CCDC85A: variants seen among roughly 807,000 people sequenced by gnomAD.
CCDC85A encodes the protein coiled-coil domain containing 85A.
CCDC85A carries 38 observed loss-of-function variants against 50.2 expected under a neutral mutation model. That is an observed-to-expected ratio of 0.76 (90% confidence interval 0.58 to 0.99). CCDC85A has a LOEUF of 0.99. CCDC85A is among the 50% of genes least tolerant of loss of function. The probability of loss-of-function intolerance (pLI) is 0.00; values close to 1 mark genes in which losing one functional copy is unlikely to be tolerated. For missense variants in CCDC85A, 820 were observed against 742.0 expected, an observed-to-expected ratio of 1.11 and a Z score of -1.22; for synonymous variants, 366 against 301.4, an observed-to-expected ratio of 1.21 and a Z score of -2.22.
chr2:56,362,847 C>T (rs1675600025), intron 3 of CCDC85A, among the ~76,000 whole-genome samples: 1 of 152,072 alleles, frequency 6.6e-6, no homozygotes, highest in East Asian at 1.9e-4. Context: ...TGGTCTCAAA[C>T]TCCTGACCTC....
chr2:56,281,223 A>T (rs1433619832), intron 2 of CCDC85A, among the ~76,000 whole-genome samples: 2 of 152,182 alleles, frequency 1.3e-5, no homozygotes, highest in Non-Finnish European at 2.9e-5. Context: ...TCTTTCACTG[A>T]ACATAATGGT....
chr2:56,183,880 C>T (rs1406790957), upstream of CCDC85A: 4 of 985,260 alleles, frequency 4.1e-6, no homozygotes, highest in Non-Finnish European at 4.8e-6. Flanking sequence ...CCTCGAGGGC[C>T]CGGGCAGCGG....
chr2:56,382,585 C>T (rs948909744), intron 5 of CCDC85A, among the ~76,000 whole-genome samples: 7 of 151,942 alleles, frequency 4.6e-5, no homozygotes, highest in Non-Finnish European at 1.0e-4. Flanking sequence ...AGTTGAAATA[C>T]CTGATTGGTC....
At chr2:56,355,286 T>C (rs1265832634) in intron 3 of CCDC85A, among the ~76,000 whole-genome samples, 1 of 152,206 alleles carries the variant, frequency 6.6e-6, no homozygotes, top group East Asian at 1.9e-4. Flanking sequence ...CAGGGTCTAC[T>C]GTTAAGGCCA....
chr2:56,207,242 G>A (rs1354932908), intron 2 of CCDC85A, among the ~76,000 whole-genome samples: 1 of 152,116 alleles, frequency 6.6e-6, no homozygotes, highest in Non-Finnish European at 1.5e-5. Context: ...GCTCCTTTGA[G>A]CCCTGGAAGG....
intron 2 of CCDC85A, among the ~76,000 whole-genome samples, chr2:56,285,112 TTC>T (rs1237177898): frequency 6.6e-6 from 1 of 151,854 alleles, no homozygotes; most frequent in Non-Finnish European, 1.5e-5. Flanking sequence ...TTTTTTTTTT[TTC>T]TCTTTTACAT....
At chr2:56,216,581 C>T (rs1220466726) in intron 2 of CCDC85A, among the ~76,000 whole-genome samples, 1 of 151,680 alleles carries the variant, frequency 6.6e-6, no homozygotes, top group Non-Finnish European at 1.5e-5. Flanking sequence ...TCCTTAACCT[C>T]CCATATTGAT....
intron 2 of CCDC85A, among the ~76,000 whole-genome samples, chr2:56,194,458 T>C (rs944389097): frequency 6.6e-6 from 1 of 152,232 alleles, no homozygotes; most frequent in African/African-American, 2.4e-5. Flanking sequence ...TTTGTTTTCA[T>C]TGAAAATATC....
At chr2:56,247,346 G>A (rs1669555180) in intron 2 of CCDC85A, among the ~76,000 whole-genome samples, 1 of 152,128 alleles carries the variant, frequency 6.6e-6, no homozygotes, top group African/African-American at 2.4e-5. Context: ...TTGCAGACAT[G>A]GGTCTTTTTT....
chr2:56,261,592 T>TGGTGTTGGA (rs1443659885), intron 2 of CCDC85A, among the ~76,000 whole-genome samples: 1 of 152,162 alleles, frequency 6.6e-6, no homozygotes, highest in Non-Finnish European at 1.5e-5. Context: ...ATGCAAAATA[T>TGGTGTTGGA]GGTGTTGGAT....
At chr2:56,333,686 T>A (rs566910646) in intron 2 of CCDC85A, among the ~76,000 whole-genome samples, 1 of 152,124 alleles carries the variant, frequency 6.6e-6, no homozygotes, top group South Asian at 2.1e-4. Context: ...TATTGTGAGG[T>A]TGGATTCTCA....
intron 3 of CCDC85A, among the ~76,000 whole-genome samples, chr2:56,352,616 G>T (rs1675012072): frequency 6.6e-6 from 1 of 152,172 alleles, no homozygotes; most frequent in African/African-American, 2.4e-5. Flanking sequence ...AAAGTGCTGG[G>T]ATTACAGGTG....
intron 2 of CCDC85A, among the ~76,000 whole-genome samples, chr2:56,221,158 A>T (rs183697746): frequency 1.3e-5 from 2 of 152,168 alleles, no homozygotes; most frequent in Non-Finnish European, 2.9e-5. Flanking sequence ...AACTGTCTTA[A>T]GTGGGTTTGG....
Position 56,277,017 on chromosome 2 carries a change from G to A in CCDC85A, c.1241-65862G>A, listed in dbSNP as rs371196129. Among the ~76,000 whole-genome samples, 62 of 152,296 alleles carry A rather than the reference G, an allele frequency of 4.1e-4. 2 individuals are homozygous for A. In the South Asian group the frequency reaches 0.013, roughly 31 times the overall value. ...ATAGTCTCCCAATCCTCCAAGAACA[G>A]GCCAGCTCTAAACTGCTTTGAGCTG... On this transcript the variant is annotated intron_variant, in intron 2 of 5. Transcript: ENST00000407595.
intron 2 of CCDC85A, among the ~76,000 whole-genome samples, chr2:56,309,707 G>A (rs765101789): frequency 2.6e-5 from 4 of 152,144 alleles, no homozygotes; most frequent in Non-Finnish European, 4.4e-5. Flanking sequence ...AGAAGCTACT[G>A]TGTATCCCAA....
chr2:56,239,117 G>A (rs1669147010), intron 2 of CCDC85A, among the ~76,000 whole-genome samples: 3 of 151,980 alleles, frequency 2.0e-5, no homozygotes, highest in East Asian at 1.9e-4. Flanking sequence ...TGAAGAGAGA[G>A]GAGTATACTT....
intron 2 of CCDC85A, among the ~76,000 whole-genome samples, chr2:56,218,135 G>A (rs1668163088): frequency 6.6e-6 from 1 of 151,832 alleles, no homozygotes; most frequent in African/African-American, 2.4e-5. Context: ...TTTCCTCAGT[G>A]AAAATGCTCT....
At position 56,192,020 on chromosome 2, in the gene CCDC85A, A is replaced by T. The variant is rs1676316484; in HGVS notation, c.277-457A>T. Among the ~76,000 whole-genome samples the T allele has an allele frequency of 6.6e-6, 1 of 152,110 alleles. No individual in the cohort carries two copies. Among genetic ancestry groups the T allele is most frequent in the Non-Finnish European group, 1.5e-5 (1 of 68,000 alleles). ...CTAGTGACTGATTTCTTGATAATGA[A>T]CTGGTTGCTCCCTAACTACTGACCA... On this transcript the variant is annotated intron_variant, in intron 1 of 5. Transcript: ENST00000407595. This position sits in a 1 kb window ranked among gnomAD's most constrained non-coding sequence, Gnocchi z 4.7.
At chr2:56,289,499 A>G (rs1247545488) in intron 2 of CCDC85A, among the ~76,000 whole-genome samples, 3 of 152,184 alleles carry the variant, frequency 2.0e-5, no homozygotes, top group Non-Finnish European at 4.4e-5. Context: ...GTAGAAGGAC[A>G]TTATAACCAG....
Sources: allele counts gnomAD v4.1 joint callset (sites outside exome capture counted in the v4.1 genomes callset), GRCh38; gene constraint gnomAD v4.1.1; non-coding constraint Gnocchi (gnomAD v3.1); transcripts MANE v1.5; gene names NCBI Gene and HGNC (gene_info 2026-07-23, HGNC 2026-07-21).